Variants in RPS6KC1 observed in about 807,000 individuals in gnomAD.
RPS6KC1 encodes inactive ribosomal protein S6 kinase delta-1.
RPS6KC1 carries 54 observed loss-of-function variants against 103.8 expected under a neutral mutation model. That is an observed-to-expected ratio of 0.52 (90% CI 0.42 to 0.65). RPS6KC1 has a LOEUF of 0.65. RPS6KC1 is among the 30% of genes least tolerant of loss of function. The pLI, the probability that RPS6KC1 is intolerant of heterozygous loss-of-function variation, is 0.00. For missense variants in RPS6KC1, 1,151 were observed against 1,253.8 expected (o/e 0.92, Z 1.24); for synonymous variants, 439 against 438.7 (o/e 1.00, Z -0.01).
chr1:213,066,122 A>T lies in RPS6KC1; in HGVS notation c.106-4884A>T, dbSNP rs552276969. On this transcript the variant is annotated intron_variant, in intron 1 of 14. Transcript: ENST00000366960. ...AAATGTACAGAGTCAAATTTTCCCT[A>T]TGCCTAGCGCAGTGCCTTGAACAGT... Among the ~76,000 whole-genome samples the T allele has an allele frequency of 3.3e-5, 5 of 152,336 alleles. No individual in the cohort carries two copies. In the East Asian group the frequency reaches 5.8e-4, roughly 18 times the overall value.
At chr1:213,785,810 C>G in the RPS6KC1 span, among the ~76,000 whole-genome samples, 17 of 152,182 alleles carry the variant, frequency 1.1e-4, no homozygotes, top group East Asian at 3.3e-3. Flanking sequence ...GGGTGTAACA[C>G]CTTATACTGT....
At chr1:213,483,781 G>A in the RPS6KC1 span, among the ~76,000 whole-genome samples, 3 of 152,360 alleles carry the variant, frequency 2.0e-5, no homozygotes, top group African/African-American at 7.2e-5. Flanking sequence ...GGCAGCAGTG[G>A]AGTTATTGGC....
At chr1:213,623,538 T>C in the RPS6KC1 span, among the ~76,000 whole-genome samples, 1 of 152,026 alleles carries the variant, frequency 6.6e-6, no homozygotes, top group Non-Finnish European at 1.5e-5. Context: ...AATACATAAA[T>C]AGATAAGACC....
the RPS6KC1 span, among the ~76,000 whole-genome samples, chr1:213,303,264 G>C: frequency 6.6e-6 from 1 of 152,180 alleles, no homozygotes; most frequent in African/African-American, 2.4e-5. Context: ...AGATGTCCTT[G>C]CTTTGTGCCT....
the RPS6KC1 span, among the ~76,000 whole-genome samples, chr1:213,514,343 TA>T: frequency 1.9e-4 from 29 of 151,902 alleles, no homozygotes; most frequent in Non-Finnish European, 3.4e-4. Flanking sequence ...ACTCATCATT[TA>T]ACATTAGGTA....
At chr1:213,268,841 T>TAA (rs1008327972) in intron 14 of RPS6KC1, among the ~76,000 whole-genome samples, 1 of 149,676 alleles carries the variant, frequency 6.7e-6, no homozygotes. Flanking sequence ...AGCAACCACT[T>TAA]AAAAAAAAAC....
chr1:213,608,069 G>A, the RPS6KC1 span, among the ~76,000 whole-genome samples: 1 of 152,196 alleles, frequency 6.6e-6, no homozygotes, highest in Admixed American at 6.5e-5. Context: ...CCTTTGGAGA[G>A]TCCTTCCCTG....
At chr1:213,186,002 A>C (rs965689105) in intron 8 of RPS6KC1, among the ~76,000 whole-genome samples, 1 of 151,756 alleles carries the variant, frequency 6.6e-6, no homozygotes, top group Non-Finnish European at 1.5e-5. Flanking sequence ...AAAAAACTAC[A>C]CAAAAATAAT....
At chr1:213,713,530 T>C in the RPS6KC1 span, among the ~76,000 whole-genome samples, 44 of 152,366 alleles carry the variant, frequency 2.9e-4, no homozygotes, top group South Asian at 1.0e-3. Flanking sequence ...TTTAATGCTT[T>C]GACAATTCCT....
At chr1:213,176,265 A>G (rs2091860608) in intron 7 of RPS6KC1, 135 bp from the exon 8 acceptor site, 1 of 480,340 alleles carries the variant, frequency 2.1e-6, no homozygotes, top group African/African-American at 2.0e-5. Flanking sequence ...GACAAACAGA[A>G]ACTTCTTCCT....
chr1:213,051,604 A>G, intron 1 of RPS6KC1, 95 bp downstream of exon 1: 1 of 896,858 alleles, frequency 1.1e-6, no homozygotes, highest in Non-Finnish European at 1.8e-6. Context: ...TCTGGCTCAG[A>G]GCCGAGGGTG....
At chr1:213,858,397 T>G in the RPS6KC1 span, among the ~76,000 whole-genome samples, 3 of 151,910 alleles carry the variant, frequency 2.0e-5, no homozygotes, top group African/African-American at 7.3e-5. Context: ...CATGATGTGT[T>G]TTTTTTTAGC....
the RPS6KC1 span, among the ~76,000 whole-genome samples, chr1:213,496,769 A>C: frequency 6.6e-6 from 1 of 152,170 alleles, no homozygotes. Context: ...GGGGAAAAAA[A>C]GAAAAGAAAC....
At chr1:213,449,464 C>G in the RPS6KC1 span, among the ~76,000 whole-genome samples, 7 of 152,104 alleles carry the variant, frequency 4.6e-5, no homozygotes, top group African/African-American at 1.7e-4. Context: ...CTCATGCGGC[C>G]TTCCTTTTCT....
the RPS6KC1 span, among the ~76,000 whole-genome samples, chr1:213,402,358 C>T: frequency 6.6e-6 from 1 of 152,136 alleles, no homozygotes; most frequent in Non-Finnish European, 1.5e-5. Flanking sequence ...GGCCGTGGTA[C>T]CTCTAAGTCC....
At chr1:213,209,649 C>G (rs888523848) in intron 8 of RPS6KC1, among the ~76,000 whole-genome samples, 6 of 123,138 alleles carry the variant, frequency 4.9e-5, no homozygotes, top group Non-Finnish European at 6.4e-5. Context: ...GAGCCGAGAT[C>G]ATGCCACTGC....
chr1:213,792,830 C>G, the RPS6KC1 span, among the ~76,000 whole-genome samples: 1 of 151,140 alleles, frequency 6.6e-6, no homozygotes, highest in Non-Finnish European at 1.5e-5. Context: ...CCCCACCCCA[C>G]CAACAACCAC....
chr1:213,771,317 G>A, the RPS6KC1 span, among the ~76,000 whole-genome samples: 1 of 152,132 alleles, frequency 6.6e-6, no homozygotes, highest in African/African-American at 2.4e-5. Context: ...GTGGAAAGAG[G>A]GGAGGGGGTG....
At chr1:213,268,725 A>G (rs1017648660) in intron 14 of RPS6KC1, among the ~76,000 whole-genome samples, 4 of 151,460 alleles carry the variant, frequency 2.6e-5, no homozygotes, top group Non-Finnish European at 5.9e-5. Context: ...GGTAGAGCAA[A>G]GTTTCTACCT....
Sources: allele counts gnomAD v4.1 joint callset (sites outside exome capture counted in the v4.1 genomes callset), GRCh38; gene constraint gnomAD v4.1.1; transcripts MANE v1.5; gene names NCBI Gene and HGNC (gene_info 2026-07-23, HGNC 2026-07-21).